ANKS1B: variants seen among roughly 807,000 people sequenced by gnomAD.
ANKS1B encodes ankyrin repeat and sterile alpha motif domain-containing protein 1B.
A neutral mutation model predicts 148.3 loss-of-function variants in ANKS1B; 36 were observed. The ratio of observed to expected loss-of-function variants is 0.24; its 90% CI spans 0.19 to 0.32. The LOEUF is 0.32. ANKS1B is among the 10% of genes least tolerant of loss of function. The pLI is 1.00. For missense variants in ANKS1B, 1,157 were observed against 1,542.6 expected, an observed-to-expected ratio of 0.75 and a Z score of 4.19; for synonymous variants, 542 against 560.8, an observed-to-expected ratio of 0.97 and a Z score of 0.47.
chr12:98,808,718 G>T (rs2099070254), intron 19 of ANKS1B, among the ~76,000 whole-genome samples: 2 of 152,176 alleles, frequency 1.3e-5, no homozygotes, highest in Non-Finnish European at 2.9e-5. Context: ...AGTTACAGTA[G>T]AAACCTTCAA....
intron 11 of ANKS1B, among the ~76,000 whole-genome samples, chr12:99,429,833 A>G (rs1191214016): frequency 1.3e-5 from 2 of 152,026 alleles, no homozygotes; most frequent in East Asian, 3.9e-4. Context: ...GCGTGGTGGC[A>G]GGCGCCTGTG....
chr12:99,370,876 A>T (rs1396103511), intron 12 of ANKS1B, among the ~76,000 whole-genome samples: 2 of 152,178 alleles, frequency 1.3e-5, no homozygotes, highest in African/African-American at 2.4e-5. Context: ...GAAGAGACTT[A>T]CAAGTACTTC....
chr12:99,827,554 A>C (rs562974957), intron 1 of ANKS1B, among the ~76,000 whole-genome samples: 1 of 152,332 alleles, frequency 6.6e-6, no homozygotes, highest in East Asian at 1.9e-4. Context: ...CAAAAACAAA[A>C]AATAAAGGGT....
At chr12:99,943,173 A>G (rs1231696519) in intron 1 of ANKS1B, among the ~76,000 whole-genome samples, 1 of 152,196 alleles carries the variant, frequency 6.6e-6, no homozygotes, top group Non-Finnish European at 1.5e-5. Flanking sequence ...TGATCAAACC[A>G]CATCTGAAAC....
At chr12:99,343,993 A>G (rs922741035) in intron 12 of ANKS1B, among the ~76,000 whole-genome samples, 1 of 152,062 alleles carries the variant, frequency 6.6e-6, no homozygotes, top group African/African-American at 2.4e-5. Context: ...AGGGCACCCA[A>G]TTAACACTCA....
chr12:99,230,293 A>G (rs1452242841), intron 14 of ANKS1B, among the ~76,000 whole-genome samples: 1 of 152,072 alleles, frequency 6.6e-6, no homozygotes, highest in Non-Finnish European at 1.5e-5. Flanking sequence ...GATAGAATAT[A>G]TTATCTCTGG....
chr12:99,525,107 TG>T (rs1596344008), intron 9 of ANKS1B, among the ~76,000 whole-genome samples: 2 of 140,318 alleles, frequency 1.4e-5, no homozygotes, highest in African/African-American at 5.9e-5. Flanking sequence ...ACATTTGTGT[TG>T]TTTTTTTATG....
chr12:98,809,292 G>T (rs892725256), intron 19 of ANKS1B, among the ~76,000 whole-genome samples: 2 of 152,158 alleles, frequency 1.3e-5, no homozygotes, highest in Admixed American at 6.5e-5. Context: ...TTCAGTCTTA[G>T]ACCCATTCAC....
At chr12:98,785,685 T>C (rs1190086927) in intron 22 of ANKS1B, among the ~76,000 whole-genome samples, 1 of 152,076 alleles carries the variant, frequency 6.6e-6, no homozygotes, top group East Asian at 1.9e-4. Flanking sequence ...ATCATCATTC[T>C]TTTCTCCTTC....
At chr12:99,491,130 C>T (rs1384631176) in intron 10 of ANKS1B, among the ~76,000 whole-genome samples, 3 of 151,966 alleles carry the variant, frequency 2.0e-5, no homozygotes, top group Non-Finnish European at 1.5e-5. Flanking sequence ...ATAGTGAAAC[C>T]CCATCTCTAT....
At chr12:99,968,309 G>A (rs1043664603) in intron 1 of ANKS1B, among the ~76,000 whole-genome samples, 1 of 152,218 alleles carries the variant, frequency 6.6e-6, no homozygotes, top group Non-Finnish European at 1.5e-5. Flanking sequence ...TGTAATCCCA[G>A]CACTTTGGGA....
chr12:99,957,789 AC>A (rs2095346266), intron 1 of ANKS1B, among the ~76,000 whole-genome samples: 1 of 152,242 alleles, frequency 6.6e-6, no homozygotes, highest in South Asian at 2.1e-4. Flanking sequence ...TTCTCAGTCA[AC>A]AATTAGTCTC....
chr12:99,952,457 G>A (rs1186521941), intron 1 of ANKS1B, among the ~76,000 whole-genome samples: 1 of 152,020 alleles, frequency 6.6e-6, no homozygotes, highest in Non-Finnish European at 1.5e-5. Context: ...AATTTTACCT[G>A]TTTCATAGCA....
chr12:99,013,306 A>G (rs1028080118), intron 17 of ANKS1B, among the ~76,000 whole-genome samples: 2 of 152,156 alleles, frequency 1.3e-5, no homozygotes, highest in Admixed American at 6.5e-5. Flanking sequence ...CCTATGTCTT[A>G]AGAACTGTGC....
intron 25 of ANKS1B, among the ~76,000 whole-genome samples, chr12:98,768,884 G>GT (rs1566244055): frequency 6.6e-6 from 1 of 151,512 alleles, no homozygotes. Context: ...GCTTCTGTAG[G>GT]GGGGGCTCCA....
rs1416436410 is a variant in ANKS1B at position 99,581,726 on chromosome 12, TA to T, written c.1272+73340del. ...TAACAAGGTGAAACCCCGTCTCTACTAAAAATACAAAAAAATTAGCCGGGCG... is the reference window on the plus strand; with the variant it reads ...TAACAAGGTGAAACCCCGTCTCTACTAAAATACAAAAAAATTAGCCGGGCG... On this transcript the variant is annotated intron_variant, in intron 9 of 26. Transcript: ENST00000683438. Among the ~76,000 whole-genome samples the T allele has an allele frequency of 7.9e-5, 12 of 151,472 alleles. No homozygotes were observed. In the South Asian group the frequency reaches 2.1e-3, roughly 26 times the overall value.
intron 1 of ANKS1B, among the ~76,000 whole-genome samples, chr12:99,939,696 T>C (rs2094871460): frequency 6.6e-6 from 1 of 152,200 alleles, no homozygotes. Context: ...TATTCAACAT[T>C]GAGAAGCAGA....
chr12:99,287,097 G>C (rs1277160666), intron 12 of ANKS1B, among the ~76,000 whole-genome samples: 1 of 149,804 alleles, frequency 6.7e-6, no homozygotes, highest in Non-Finnish European at 1.5e-5. Context: ...ACATTGACAA[G>C]ACCCAGTGTT....
chr12:99,038,690 C>A (rs532447299), intron 17 of ANKS1B, among the ~76,000 whole-genome samples: 1 of 152,340 alleles, frequency 6.6e-6, no homozygotes, highest in African/African-American at 2.4e-5. Context: ...CTGGCTCATG[C>A]TACTACAGCC....
Sources: allele counts gnomAD v4.1 joint callset (sites outside exome capture counted in the v4.1 genomes callset), GRCh38; gene constraint gnomAD v4.1.1; transcripts MANE v1.5; gene names NCBI Gene and HGNC (gene_info 2026-07-23, HGNC 2026-07-21).